USP6NL: variants seen among roughly 807,000 people sequenced by gnomAD.
USP6NL encodes the protein USP6 N-terminal-like protein.
USP6NL carries 26 observed loss-of-function variants against 61.9 expected under a neutral mutation model. That is an observed-to-expected ratio of 0.42 (90% CI 0.31 to 0.58). The LOEUF is 0.58. Ranked by LOEUF, USP6NL falls within the 20% of genes least tolerant of loss-of-function variation. USP6NL has a pLI of 0.16. For synonymous variants in USP6NL, 432 were observed against 390.1 expected (o/e 1.11, Z -1.27); for missense variants, 1,114 against 1,034.3 (o/e 1.08, Z -1.06).
rs867371256 is a variant in USP6NL, at chr10:11,603,397, T to C, written c.-83-5680A>G. On this transcript the variant is annotated intron_variant, in intron 1 of 14. Transcript: ENST00000609104. Reference sequence around the variant, plus strand: ...TAGTTTACATGGTATATGTGCCTAATCTACTTGATACATCATATCAGAACT... The same window carrying C: ...TAGTTTACATGGTATATGTGCCTAACCTACTTGATACATCATATCAGAACT... Among the ~76,000 whole-genome samples, 19 of 152,330 alleles carry C rather than the reference T, an allele frequency of 1.2e-4. No individual in the cohort carries two copies. In the Middle Eastern group the frequency reaches 0.01, roughly 82 times the overall value.
chr10:11,521,856 ATTC>A (rs1835222045), intron 4 of USP6NL, among the ~76,000 whole-genome samples: 1 of 152,202 alleles, frequency 6.6e-6, no homozygotes, highest in Admixed American at 6.5e-5. Context: ...CTTCCTTCTA[ATTC>A]TTCTATTAAT....
rs917403754 is a variant in USP6NL at position 11,548,488 on chromosome 10, T to C, written c.5-20921A>G. Among the ~76,000 whole-genome samples the C allele has an allele frequency of 1.3e-5, 2 of 152,228 alleles. No homozygotes were observed. Among genetic ancestry groups the C allele is most frequent in the African/African-American group, 4.8e-5 (2 of 41,456 alleles). On this transcript the variant is annotated intron_variant, in intron 2 of 14. Coordinates refer to ENST00000609104, the MANE Select transcript of USP6NL (RefSeq NM_014688.5). The surrounding 1 kb of genome is among the most constrained non-coding windows in gnomAD (Gnocchi z 4.3). ...TTTTTAATTAACTCATTTTCCATTT[T>C]GGTCCATGACTATCCTATAAAGATC...
intron 14 of USP6NL, among the ~76,000 whole-genome samples, chr10:11,471,845 G>T (rs113384279): frequency 1.4e-5 from 2 of 146,314 alleles, no homozygotes; most frequent in Admixed American, 1.4e-4. Flanking sequence ...GGGAGGGGGG[G>T]ACAGCATTAT....
At chr10:11,501,002 T>G (rs1591850801) in intron 7 of USP6NL, 99 bp downstream of exon 7, 1 of 923,740 alleles carries the variant, frequency 1.1e-6, no homozygotes, top group East Asian at 2.8e-5. Flanking sequence ...TTAATATAAT[T>G]TTAAGTGATC....
rs1237615423 is a variant in USP6NL, at chr10:11,595,354, A to G, written c.4+2277T>C. Among the ~76,000 whole-genome samples, 1 of 152,230 alleles carries G rather than the reference A, an allele frequency of 6.6e-6. No homozygotes were observed. The highest frequency in any genetic ancestry group is 1.5e-5 in the Non-Finnish European group (1 of 68,024). On this transcript the variant is annotated intron_variant, in intron 2 of 14. Coordinates refer to ENST00000609104, the MANE Select transcript of USP6NL (RefSeq NM_014688.5). This position sits in a 1 kb window ranked among gnomAD's most constrained non-coding sequence, Gnocchi z 5.3. ...AAAACTGTAAATAAAAGTTTTCCCT[A>G]GGAATCAGGGTCAAGAGCCAGGCTC...
rs187066025 is a variant in USP6NL, at chr10:11,508,939, T to C, written c.276+656A>G. Among the ~76,000 whole-genome samples, 11 of 152,340 alleles carry C rather than the reference T, an allele frequency of 7.2e-5. No individual in the cohort carries two copies. The East Asian group carries it at 1.9e-3, about 27-fold the overall frequency. The stretch of plus-strand genomic sequence containing the variant: ...ACAGTATTTATTGCCACTGATGATA[T>C]TTGACCTTTCAAATAAAACTTAACA... On this transcript the variant is annotated intron_variant, in intron 6 of 14. Coordinates refer to ENST00000609104, the MANE Select transcript of USP6NL (RefSeq NM_014688.5).
intron 1 of USP6NL, among the ~76,000 whole-genome samples, chr10:11,609,529 ACCT>A (rs1200412098): frequency 6.6e-6 from 1 of 152,214 alleles, no homozygotes; most frequent in Non-Finnish European, 1.5e-5. Flanking sequence ...CGTTCTCGCT[ACCT>A]CAAGTGGCAA....
intron 2 of USP6NL, among the ~76,000 whole-genome samples, chr10:11,590,751 A>G (rs1339132181): frequency 1.3e-5 from 2 of 152,058 alleles, no homozygotes; most frequent in Non-Finnish European, 2.9e-5. Context: ...ATTAATTTGA[A>G]ACATAATTCC....
At chr10:11,546,026 G>T (rs576001139) in intron 2 of USP6NL, among the ~76,000 whole-genome samples, 1 of 152,272 alleles carries the variant, frequency 6.6e-6, no homozygotes, top group East Asian at 1.9e-4. Context: ...TTTAATTGAC[G>T]ATTTTTAATA....
At chr10:11,581,079 C>T (rs1837749399) in intron 2 of USP6NL, among the ~76,000 whole-genome samples, 1 of 152,168 alleles carries the variant, frequency 6.6e-6, no homozygotes, top group East Asian at 1.9e-4. Context: ...ACTAATAGGT[C>T]TCTATTTTCT....
intron 2 of USP6NL, among the ~76,000 whole-genome samples, chr10:11,535,990 G>C (rs1343024869): frequency 6.6e-6 from 1 of 152,206 alleles, no homozygotes; most frequent in African/African-American, 2.4e-5. Flanking sequence ...GGAATGCTCA[G>C]AGGAGGAATG....
At chr10:11,538,965 C>A (rs1835941533) in intron 2 of USP6NL, among the ~76,000 whole-genome samples, 1 of 152,204 alleles carries the variant, frequency 6.6e-6, no homozygotes, top group Non-Finnish European at 1.5e-5. Context: ...TGGAAAGGCT[C>A]TGCTCATGTG....
Position 11,463,364 on chromosome 10 carries a change from G to T in USP6NL, c.1564C>A (p.Pro522Thr). The stretch of plus-strand genomic sequence containing the variant: ...ACGTTTGACACCCGCACCTCGGCAG[G>T]ACCTGGGACGGTAACTGCGAGCGCG... ...HPALAVTVPG[P>T]AEVRVSNVRP... The change falls in exon 15 of 15, where the codon CCT becomes ACT. Residue 522 changes from proline (P) to threonine (T), a missense_variant. By Grantham distance (38) the Pro-to-Thr change is conservative. Coordinates refer to ENST00000609104, the MANE Select transcript of USP6NL (RefSeq NM_014688.5). This position sits in a 1 kb window ranked among gnomAD's most constrained non-coding sequence, Gnocchi z 6.3. 6.2e-7 allele frequency: 1 copy of T among 1,613,992 alleles called. No individual in the cohort carries two copies. Among genetic ancestry groups the T allele is most frequent in the Non-Finnish European group, 8.5e-7 (1 of 1,179,890 alleles).
intron 2 of USP6NL, among the ~76,000 whole-genome samples, chr10:11,593,336 T>C (rs1214532678): frequency 6.6e-6 from 1 of 152,212 alleles, no homozygotes; most frequent in Non-Finnish European, 1.5e-5. Flanking sequence ...TGTTTTGGTG[T>C]TTTCACTTAG....
intron 2 of USP6NL, among the ~76,000 whole-genome samples, chr10:11,550,556 G>A (rs1836442866): frequency 6.6e-6 from 1 of 152,060 alleles, no homozygotes; most frequent in African/African-American, 2.4e-5. Flanking sequence ...AGGAGTTCAA[G>A]ACCAGCCCAG....
At position 11,485,131 on chromosome 10, in the gene USP6NL, T is replaced by A; in HGVS notation, c.825+38A>T. ...TAACAGCTTCCCCTCACCTTGTATT[T>A]ATAATTTTATGACTGAGTTTTGTAA... is the stretch of plus-strand genomic sequence containing the variant. On this transcript the variant is annotated intron_variant, in intron 12 of 14. Coordinates refer to ENST00000609104, the MANE Select transcript of USP6NL (RefSeq NM_014688.5). This position sits in a 1 kb window ranked among gnomAD's most constrained non-coding sequence, Gnocchi z 4.8. 6.5e-7 allele frequency: 1 copy of A among 1,537,250 alleles called. No individual in the cohort carries two copies. Among genetic ancestry groups the A allele is most frequent in the Non-Finnish European group, 8.8e-7 (1 of 1,142,286 alleles).
chr10:11,550,871 C>A (rs1836455168), intron 2 of USP6NL, among the ~76,000 whole-genome samples: 1 of 150,074 alleles, frequency 6.7e-6, no homozygotes, highest in Non-Finnish European at 1.5e-5. Context: ...AAAAAATACA[C>A]TAAAAGATGC....
intron 2 of USP6NL, among the ~76,000 whole-genome samples, chr10:11,581,361 T>C (rs1039886485): frequency 6.6e-6 from 1 of 152,238 alleles, no homozygotes; most frequent in African/African-American, 2.4e-5. Flanking sequence ...ATCACTTTTA[T>C]GCAAAAAACA....
rs1001934577 is a variant in USP6NL, at chr10:11,525,611, AT to A, written c.73-144del. 5.6e-4 allele frequency: 391 copies of A among 700,842 alleles called. No individual in the cohort carries two copies. Among genetic ancestry groups the A allele is most frequent in the South Asian group, 8.4e-4 (31 of 36,726 alleles). 43.4% of individuals were successfully genotyped at this position (700,842 alleles called of 1,614,324 possible). On this transcript the variant is annotated intron_variant, in intron 3 of 14. Coordinates refer to ENST00000609104, the MANE Select transcript of USP6NL (RefSeq NM_014688.5). This position sits in a 1 kb window ranked among gnomAD's most constrained non-coding sequence, Gnocchi z 5.0. ...GAAGTGAGGCATTATGAGCCTTAAC[AT>A]TTTTTTTTCCCCTTTAAACCCAACT...
Sources: allele counts gnomAD v4.1 joint callset (sites outside exome capture counted in the v4.1 genomes callset), GRCh38; gene constraint gnomAD v4.1.1; non-coding constraint Gnocchi (gnomAD v3.1); transcripts MANE v1.5; gene names NCBI Gene and HGNC (gene_info 2026-07-23, HGNC 2026-07-21).